Variants in ESYT2 observed in about 807,000 individuals in gnomAD.
ESYT2 encodes extended synaptotagmin-2.
ESYT2 carries 54 observed loss-of-function variants against 107.2 expected under a neutral mutation model. The ratio of observed to expected loss-of-function variants is 0.50; its 90% confidence interval spans 0.40 to 0.63. The LOEUF is 0.63. Among genes scored for constraint, ESYT2 ranks in the 30% least tolerant of loss-of-function variants. The pLI is 0.00. For synonymous variants in ESYT2, 491 were observed against 434.1 expected, an observed-to-expected ratio of 1.13 and a Z score of -1.63; for missense variants, 1,020 against 1,094.5, an observed-to-expected ratio of 0.93 and a Z score of 0.96.
intron 3 of ESYT2, among the ~76,000 whole-genome samples, chr7:158,797,586 T>C (rs2129473533): frequency 6.6e-6 from 1 of 151,910 alleles, no homozygotes; most frequent in African/African-American, 2.4e-5. Context: ...CCAGGCGCGG[T>C]GGCTCACACC....
At chr7:158,738,334 C>A (rs910284661) in intron 19 of ESYT2, among the ~76,000 whole-genome samples, 3,880 of 56,038 alleles carry the variant, frequency 0.069, 197 homozygotes, top group East Asian at 0.41. Flanking sequence ...AAAATACACA[C>A]ACACACACAG....
chr7:158,763,073 CT>C lies in ESYT2; in HGVS notation c.1184+9del. The C allele has an allele frequency of 6.2e-7, 1 of 1,608,884 alleles. No individual in the cohort carries two copies. The highest frequency in any genetic ancestry group is 8.5e-7 in the Non-Finnish European group (1 of 1,176,174). ...GCCCTCCTCCAATAACCACAATGGG[CT>C]TTATTTACCTTCCTAAAAAGTCATC... On this transcript the variant is annotated intron_variant, in intron 10 of 22. Transcript: ENST00000275418.
At chr7:158,766,819 C>A (rs1429900820) in intron 8 of ESYT2, among the ~76,000 whole-genome samples, 1 of 152,200 alleles carries the variant, frequency 6.6e-6, no homozygotes, top group Non-Finnish European at 1.5e-5. Context: ...TCACTGGCTT[C>A]TGGAGTCCAA....
At chr7:158,793,852 C>T (rs1839380675) in intron 3 of ESYT2, 126 bp from the exon 4 acceptor site, 3 of 762,526 alleles carry the variant, frequency 3.9e-6, no homozygotes, top group Admixed American at 5.5e-5. Flanking sequence ...TAAAATTCTG[C>T]CTTCATAACA....
rs1836846448 is a variant in ESYT2, at chr7:158,734,433, G to A, written c.2544C>T (p.Gly848=). The part of the protein sequence containing the change: ...VALASEELAK[G]WTQWYDLTED... ...GCAGGGACACTCACCACTGGGTCCA[G>A]CCTTTGGCAAGTTCTTCAGATGCCA... Residue 848 remains glycine (G), a synonymous_variant, in exon 22 of 23, where the codon GGC becomes GGT. Transcript: ENST00000275418. 1 of 1,613,872 alleles carries A rather than the reference G, an allele frequency of 6.2e-7. No individual in the cohort carries two copies. The highest frequency in any genetic ancestry group is 1.1e-5 in the South Asian group (1 of 91,062).
At chr7:158,761,694 A>G (rs1837969407) in intron 10 of ESYT2, 150 bp from the exon 11 acceptor site, 1 of 672,744 alleles carries the variant, frequency 1.5e-6, no homozygotes, top group African/African-American at 1.8e-5. Flanking sequence ...AAACGCTAAT[A>G]ATTTATCAAG....
intron 14 of ESYT2, among the ~76,000 whole-genome samples, chr7:158,750,472 G>A (rs1300376333): frequency 6.6e-6 from 1 of 152,146 alleles, no homozygotes; most frequent in Non-Finnish European, 1.5e-5. Context: ...AAATTAATTA[G>A]AAGGTCACAA....
chr7:158,757,721 C>G (rs1446693463), intron 13 of ESYT2, among the ~76,000 whole-genome samples: 1 of 151,978 alleles, frequency 6.6e-6, no homozygotes, highest in East Asian at 1.9e-4. Context: ...CACAAAGTGC[C>G]CTTTTAACAG....
At chr7:158,790,620 A>C (rs1839257526) in intron 4 of ESYT2, among the ~76,000 whole-genome samples, 1 of 152,200 alleles carries the variant, frequency 6.6e-6, no homozygotes, top group African/African-American at 2.4e-5. Context: ...AATGTAAAAC[A>C]CTGTATTAAA....
chr7:158,761,275 A>G (rs983848646), intron 11 of ESYT2, among the ~76,000 whole-genome samples: 1 of 152,380 alleles, frequency 6.6e-6, no homozygotes, highest in East Asian at 1.9e-4. Context: ...AGCATATGGT[A>G]GGGACTCAAC....
chr7:158,823,330 ATTTT>A (rs1161962894), intron 1 of ESYT2, among the ~76,000 whole-genome samples: 1 of 99,298 alleles, frequency 1.0e-5, no homozygotes, highest in African/African-American at 3.8e-5. Context: ...AAGACATTGG[ATTTT>A]TTTTTTTTTA....
intron 22 of ESYT2, 46 bp from the exon 23 acceptor site, chr7:158,734,298 G>C (rs1472384844): frequency 1.9e-6 from 3 of 1,613,496 alleles, no homozygotes; most frequent in Non-Finnish European, 2.5e-6. Flanking sequence ...ACAGGACCAA[G>C]TAGGAAAAGC....
At chr7:158,781,952 AGT>A (rs1838848190) in intron 6 of ESYT2, among the ~76,000 whole-genome samples, 2 of 136,498 alleles carry the variant, frequency 1.5e-5, no homozygotes, top group African/African-American at 5.5e-5. Context: ...AACGAGAACA[AGT>A]GTGAACGAGT....
chr7:158,810,915 G>A lies in ESYT2; in HGVS notation c.331-11843C>T, dbSNP rs138078773. On this transcript the variant is annotated intron_variant, in intron 1 of 22. Coordinates refer to ENST00000275418, the MANE Select transcript of ESYT2 (RefSeq NM_001367773.1). ...ATTTCGGTGATGGTTGCACAATCCT[G>A]AGAATATACTGAAAAACAGTTAATT... Among the ~76,000 whole-genome samples the A allele has an allele frequency of 5.1e-4, 78 of 152,120 alleles. No homozygotes were observed. In the East Asian group the frequency reaches 0.014, roughly 28 times the overall value.
intron 1 of ESYT2, among the ~76,000 whole-genome samples, chr7:158,808,290 G>C (rs1839892050): frequency 6.6e-6 from 1 of 152,214 alleles, no homozygotes; most frequent in African/African-American, 2.4e-5. Context: ...ATCTCACTCT[G>C]TCCAGCTCGA....
intron 1 of ESYT2, among the ~76,000 whole-genome samples, chr7:158,810,269 C>T (rs1471150746): frequency 6.6e-6 from 1 of 152,190 alleles, no homozygotes. Flanking sequence ...CAAGTCAAAA[C>T]AGCTCAAAGG....
At chr7:158,760,255 C>G in intron 11 of ESYT2, 108 bp from the exon 12 acceptor site, 1 of 929,296 alleles carries the variant, frequency 1.1e-6, no homozygotes, top group South Asian at 1.4e-5. Flanking sequence ...CACGAGGCAT[C>G]AACAGTTCTC....
At chr7:158,789,264 G>C (rs999595927) in intron 4 of ESYT2, among the ~76,000 whole-genome samples, 1 of 152,178 alleles carries the variant, frequency 6.6e-6, no homozygotes, top group African/African-American at 2.4e-5. Flanking sequence ...CTCTCATTGA[G>C]AATTACTCTC....
intron 1 of ESYT2, among the ~76,000 whole-genome samples, chr7:158,811,499 T>C (rs1390489364): frequency 1.3e-5 from 2 of 152,150 alleles, no homozygotes; most frequent in African/African-American, 4.8e-5. Flanking sequence ...ACATCAGAAC[T>C]GAAATATTTG....
Sources: allele counts gnomAD v4.1 joint callset (sites outside exome capture counted in the v4.1 genomes callset), GRCh38; gene constraint gnomAD v4.1.1; transcripts MANE v1.5; gene names NCBI Gene and HGNC (gene_info 2026-07-23, HGNC 2026-07-21).